The following HTR4 variants were observed in gnomAD, a reference collection of about 807,000 sequenced individuals.
The protein encoded by HTR4 is 5-hydroxytryptamine (serotonin) receptor 4, G protein-coupled.
Under a neutral mutation model 36.8 loss-of-function variants are expected in HTR4, and 16 were observed. The ratio of observed to expected loss-of-function variants is 0.43; its 90% CI spans 0.29 to 0.66. HTR4 has a LOEUF of 0.66. Ranked by LOEUF, HTR4 falls within the 30% of genes least tolerant of loss-of-function variation. The pLI is 0.13. For missense variants in HTR4, 438 were observed against 490.9 expected (o/e 0.89, Z 1.02); for synonymous variants, 189 against 185.1 (o/e 1.02, Z -0.17).
intron 2 of HTR4, among the ~76,000 whole-genome samples, chr5:148,561,267 A>G (rs1256759820): frequency 6.6e-6 from 1 of 152,214 alleles, no homozygotes; most frequent in Non-Finnish European, 1.5e-5. Flanking sequence ...TGTACAGAGT[A>G]TAATGGAGTT....
At chr5:148,476,114 A>C (rs1755685986), downstream of HTR4, among the ~76,000 whole-genome samples, 1 of 152,248 alleles carries the variant, frequency 6.6e-6, no homozygotes, top group East Asian at 1.9e-4. Context: ...CTGACATTTT[A>C]TGACATCTTT....
At chr5:148,524,109 G>A (rs971951863) in intron 4 of HTR4, among the ~76,000 whole-genome samples, 2 of 152,124 alleles carry the variant, frequency 1.3e-5, no homozygotes, top group South Asian at 4.2e-4. Context: ...AGGATCTCCT[G>A]AATCAGAGCC....
At chr5:148,460,742 A>C (rs567784645) in intron 5 of HTR4, among the ~76,000 whole-genome samples, 7 of 152,258 alleles carry the variant, frequency 4.6e-5, no homozygotes, top group African/African-American at 1.7e-4. Context: ...GAAGTAAAAT[A>C]ATAGCTTTTA....
chr5:148,520,873 G>C, intron 5 of HTR4: 1 of 1,367,372 alleles, frequency 7.3e-7, no homozygotes, highest in Non-Finnish European at 9.8e-7. Context: ...TCACTCTTCT[G>C]CCTCCGGCAT....
intron 6 of HTR4, among the ~76,000 whole-genome samples, chr5:148,487,550 A>G (rs1329648162): frequency 2.0e-5 from 3 of 152,214 alleles, no homozygotes; most frequent in African/African-American, 7.2e-5. Flanking sequence ...GACCTTTGAC[A>G]GCGAGGGTAG....
rs1755950394 is a variant in HTR4, at chr5:148,482,809, C to T, written c.*394G>A. ...GAGTATTTTGTTGATATCTGGAAGC[C>T]CACACAGCAAAGAAGGCGTATTTGG... On this transcript the variant is annotated 3_prime_UTR_variant, in exon 7 of 7. Coordinates refer to ENST00000377888, the MANE Select transcript of HTR4 (RefSeq NM_000870.7). The T allele has an allele frequency of 1.9e-6, 2 of 1,053,274 alleles. No individual in the cohort carries two copies. The highest frequency in any genetic ancestry group is 4.6e-4 in the Middle Eastern group (1 of 2,168). The allele number at this position is 1,053,274 out of a possible 1,614,324, so 65.2% of individuals were successfully genotyped here. A position where few individuals can be genotyped will look rare whatever the true frequency, so the allele number is the denominator to read the frequency against.
intron 4 of HTR4, among the ~76,000 whole-genome samples, chr5:148,525,367 AG>A (rs1758220997): frequency 2.6e-5 from 4 of 151,868 alleles, no homozygotes; most frequent in African/African-American, 9.7e-5. Flanking sequence ...ATTTCCTGTT[AG>A]GGGGCAAGTT....
intron 6 of HTR4, among the ~76,000 whole-genome samples, chr5:148,502,283 C>T (rs1379543840): frequency 6.6e-6 from 1 of 152,182 alleles, no homozygotes; most frequent in Admixed American, 6.5e-5. Context: ...CAGCCAGTTA[C>T]CTCTCAGAGA....
intron 2 of HTR4, among the ~76,000 whole-genome samples, chr5:148,608,648 C>G (rs1752283177): frequency 1.3e-5 from 2 of 152,100 alleles, no homozygotes; most frequent in Admixed American, 6.5e-5. Flanking sequence ...GGCTTTTAAG[C>G]AGAAAAGCAG....
chr5:148,617,844 A>C (rs1218106798), intron 2 of HTR4, among the ~76,000 whole-genome samples: 1 of 152,092 alleles, frequency 6.6e-6, no homozygotes, highest in African/African-American at 2.4e-5. Context: ...CAGAAACTTC[A>C]ACTCAAAGGG....
At chr5:148,515,103 T>C (rs1757678843) in intron 5 of HTR4, among the ~76,000 whole-genome samples, 1 of 152,150 alleles carries the variant, frequency 6.6e-6, no homozygotes, top group Admixed American at 6.5e-5. Context: ...GGTTCCTTGT[T>C]TCCATATTTA....
rs147579730 is a variant in HTR4, at chr5:148,566,782, C to T, written c.27-16520G>A. On this transcript the variant is annotated intron_variant, in intron 2 of 6. Coordinates refer to ENST00000377888, the MANE Select transcript of HTR4 (RefSeq NM_000870.7). Reference sequence around the variant, plus strand: ...ACATACATGGTACCTAATATTTATACGTATGACATACCTGTATTTATTACA... The same window carrying T: ...ACATACATGGTACCTAATATTTATATGTATGACATACCTGTATTTATTACA... 4.4e-3 allele frequency among the ~76,000 whole-genome samples: 672 copies of T among 151,932 alleles called. 6 individuals are homozygous for T. Among genetic ancestry groups the T allele is most frequent in the African/African-American group, 0.015 (633 of 41,416 alleles).
intron 2 of HTR4, among the ~76,000 whole-genome samples, chr5:148,587,464 G>A (rs371552792): frequency 6.6e-6 from 1 of 152,084 alleles, no homozygotes; most frequent in East Asian, 1.9e-4. Context: ...GGTTGGGGGG[G>A]TGGTGAAAGA....
chr5:148,622,785 T>C (rs1401493027), intron 2 of HTR4, among the ~76,000 whole-genome samples: 1 of 152,266 alleles, frequency 6.6e-6, no homozygotes, highest in Non-Finnish European at 1.5e-5. Context: ...TGAAGGACTA[T>C]ATAAATAAAT....
intron 2 of HTR4, among the ~76,000 whole-genome samples, chr5:148,565,391 A>G (rs1760391504): frequency 6.6e-6 from 1 of 152,160 alleles, no homozygotes; most frequent in Non-Finnish European, 1.5e-5. Context: ...AAAAGAGATA[A>G]TGAGTAAGAA....
intron 1 of HTR4, among the ~76,000 whole-genome samples, chr5:148,650,782 G>C (rs186329229): frequency 1.8e-4 from 28 of 152,230 alleles, no homozygotes; most frequent in African/African-American, 6.5e-4. Context: ...TAACAGAGAG[G>C]GGGCAAAGTC....
intron 6 of HTR4, among the ~76,000 whole-genome samples, chr5:148,508,864 T>C (rs1757351967): frequency 6.6e-6 from 1 of 152,118 alleles, no homozygotes; most frequent in Admixed American, 6.6e-5. Context: ...CCTATATGAA[T>C]ATATTATCTC....
At chr5:148,532,510 A>T (rs888363315) in intron 4 of HTR4, among the ~76,000 whole-genome samples, 1 of 152,238 alleles carries the variant, frequency 6.6e-6, no homozygotes, top group Non-Finnish European at 1.5e-5. Context: ...GTGAACAGGC[A>T]TATCTAGCAG....
At chr5:148,484,320 G>A (rs201821015) in intron 6 of HTR4, 15 of 1,612,808 alleles carry the variant, frequency 9.3e-6, no homozygotes, top group East Asian at 2.2e-5. Context: ...GAATGGACCC[G>A]CTCTGGCAGG....
Sources: gnomAD v4.1 joint callset for allele counts (sites outside exome capture counted in the v4.1 genomes callset) on GRCh38, gnomAD v4.1.1 for gene constraint, MANE v1.5 for transcripts, NCBI Gene and HGNC (gene_info 2026-07-23, HGNC 2026-07-21) for gene names.